Variants in EBF1 observed in about 807,000 individuals in gnomAD.
EBF1 encodes the protein transcription factor COE1.
EBF1 carries 10 observed loss-of-function variants against 68.4 expected under a neutral mutation model. The ratio of observed to expected loss-of-function variants is 0.15; its 90% confidence interval spans 0.09 to 0.25. EBF1 has a LOEUF of 0.25. Among genes scored for constraint, EBF1 ranks in the 10% least tolerant of loss-of-function variants. The probability of loss-of-function intolerance (pLI) is 1.00; values close to 1 mark genes in which losing one functional copy is unlikely to be tolerated. For missense variants in EBF1, 509 were observed against 794.4 expected, an observed-to-expected ratio of 0.64 and a Z score of 4.32; for synonymous variants, 298 against 299.8, an observed-to-expected ratio of 0.99 and a Z score of 0.06.
At chr5:159,041,777 C>G (rs556210039) in intron 6 of EBF1, among the ~76,000 whole-genome samples, 18 of 152,242 alleles carry the variant, frequency 1.2e-4, no homozygotes, top group Non-Finnish European at 2.2e-4. Flanking sequence ...CCTTCCTGTA[C>G]TTCATTTTAA....
At chr5:159,026,260 G>A (rs1218068250) in intron 6 of EBF1, among the ~76,000 whole-genome samples, 2 of 152,050 alleles carry the variant, frequency 1.3e-5, no homozygotes, top group East Asian at 3.9e-4. Flanking sequence ...TGGTGAGTAG[G>A]CTCTTGTGTT....
At chr5:159,057,023 T>C (rs1774880009) in intron 6 of EBF1, among the ~76,000 whole-genome samples, 1 of 151,992 alleles carries the variant, frequency 6.6e-6, no homozygotes, top group South Asian at 2.1e-4. Flanking sequence ...CTTTTAAAAA[T>C]AAAGTAATAT....
intron 4 of EBF1, among the ~76,000 whole-genome samples, chr5:159,088,811 A>G (rs1781151172): frequency 6.6e-6 from 1 of 152,164 alleles, no homozygotes; most frequent in South Asian, 2.1e-4. Flanking sequence ...AGGGGGAGAA[A>G]AATCATATAA....
intron 8 of EBF1, among the ~76,000 whole-genome samples, chr5:158,809,250 A>C (rs1270891465): frequency 6.6e-6 from 1 of 152,184 alleles, no homozygotes; most frequent in Non-Finnish European, 1.5e-5. Context: ...AGCAGTAGGC[A>C]AACAGACCAT....
intron 10 of EBF1, among the ~76,000 whole-genome samples, chr5:158,740,184 A>G (rs7732733): frequency 0.27 from 41,230 of 152,110 alleles, 6,976 homozygotes; most frequent in African/African-American, 0.48. Flanking sequence ...AAACAACAAT[A>G]CTTATTACTC....
At chr5:158,846,805 C>T (rs1791613662) in intron 6 of EBF1, among the ~76,000 whole-genome samples, 1 of 152,132 alleles carries the variant, frequency 6.6e-6, no homozygotes, top group African/African-American at 2.4e-5. Flanking sequence ...TGCTCACTGC[C>T]GGGCTGACTT....
intron 14 of EBF1, 41 bp downstream of exon 14, chr5:158,712,113 A>C: frequency 6.2e-7 from 1 of 1,605,618 alleles, no homozygotes; most frequent in East Asian, 2.2e-5. Flanking sequence ...AAGTTCTTCT[A>C]GCGAAACGTG....
chr5:158,769,634 C>T (rs1197783282), intron 10 of EBF1, among the ~76,000 whole-genome samples: 1 of 151,960 alleles, frequency 6.6e-6, no homozygotes, highest in East Asian at 1.9e-4. Flanking sequence ...CATTATGACA[C>T]CAACAGTATT....
At chr5:158,889,049 A>AAT (rs1800631595) in intron 6 of EBF1, among the ~76,000 whole-genome samples, 1 of 152,160 alleles carries the variant, frequency 6.6e-6, no homozygotes, top group Non-Finnish European at 1.5e-5. Context: ...TTTTTTCCCC[A>AAT]CATATGTTCC....
chr5:158,945,854 A>G (rs1228876088), intron 6 of EBF1, among the ~76,000 whole-genome samples: 2 of 152,026 alleles, frequency 1.3e-5, no homozygotes, highest in East Asian at 1.9e-4. Context: ...ACATAGTCTC[A>G]TATTTCTTGG....
intron 6 of EBF1, among the ~76,000 whole-genome samples, chr5:159,012,820 A>G (rs574727541): frequency 4.6e-5 from 7 of 152,300 alleles, no homozygotes; most frequent in African/African-American, 1.4e-4. Flanking sequence ...GTCTTTAAAG[A>G]GGTCATTAAA....
At chr5:158,936,127 C>T (rs1811968843) in intron 6 of EBF1, among the ~76,000 whole-genome samples, 1 of 152,150 alleles carries the variant, frequency 6.6e-6, no homozygotes, top group Non-Finnish European at 1.5e-5. Flanking sequence ...ACACAAAATG[C>T]CTTGCTACCT....
At chr5:158,759,967 C>G (rs1207679192) in intron 10 of EBF1, among the ~76,000 whole-genome samples, 1 of 152,082 alleles carries the variant, frequency 6.6e-6, no homozygotes, top group Non-Finnish European at 1.5e-5. Flanking sequence ...CATGTTTCCT[C>G]AATACTACTT....
At chr5:158,984,547 T>C (rs1184562930) in intron 6 of EBF1, among the ~76,000 whole-genome samples, 1 of 152,216 alleles carries the variant, frequency 6.6e-6, no homozygotes, top group African/African-American at 2.4e-5. Flanking sequence ...TCTTAATTGT[T>C]CTGATTACAT....
intron 9 of EBF1, among the ~76,000 whole-genome samples, chr5:158,789,744 G>A (rs1014713814): frequency 6.6e-6 from 1 of 152,150 alleles, no homozygotes; most frequent in African/African-American, 2.4e-5. Flanking sequence ...CTCTACATGT[G>A]GTTCAGTAAG....
At chr5:159,018,228 C>T (rs1286245772) in intron 6 of EBF1, among the ~76,000 whole-genome samples, 4 of 152,212 alleles carry the variant, frequency 2.6e-5, no homozygotes, top group African/African-American at 7.2e-5. Flanking sequence ...ATCAGCTACC[C>T]TATTTGTTCT....
At chr5:158,897,639 A>T (rs1196928577) in intron 6 of EBF1, among the ~76,000 whole-genome samples, 2 of 152,192 alleles carry the variant, frequency 1.3e-5, no homozygotes, top group Non-Finnish European at 2.9e-5. Context: ...TGCATATGTG[A>T]CTAAGAAATG....
chr5:158,785,075 G>T (rs926629199), intron 9 of EBF1, among the ~76,000 whole-genome samples: 5 of 152,092 alleles, frequency 3.3e-5, no homozygotes, highest in African/African-American at 1.2e-4. Flanking sequence ...CTTCTCCTCA[G>T]TTAGGATAAT....
rs534331313 is a variant in EBF1 at position 158,827,059 on chromosome 5, A to T, written c.637-3742T>A. On this transcript the variant is annotated intron_variant, in intron 7 of 15. Transcript: ENST00000313708. Reference sequence around the variant, plus strand: ...ACCACCATACTTAACTCATAAGGTAACTGTGAGGCTTAAATTAATTAAAGT... The same window carrying T: ...ACCACCATACTTAACTCATAAGGTATCTGTGAGGCTTAAATTAATTAAAGT... Among the ~76,000 whole-genome samples the T allele has an allele frequency of 2.0e-5, 3 of 152,298 alleles. No homozygotes were observed. The East Asian group carries it at 5.8e-4, about 29-fold the overall frequency.
Sources: gnomAD v4.1 joint callset for allele counts (sites outside exome capture counted in the v4.1 genomes callset) on GRCh38, gnomAD v4.1.1 for gene constraint, MANE v1.5 for transcripts, NCBI Gene and HGNC (gene_info 2026-07-23, HGNC 2026-07-21) for gene names.